The following TCF7L2 variants were observed in gnomAD, a reference collection of about 807,000 sequenced individuals.
TCF7L2 encodes transcription factor 7-like 2.
TCF7L2 carries 23 observed loss-of-function variants against 77.9 expected under a neutral mutation model. The ratio of observed to expected loss-of-function variants is 0.30; its 90% confidence interval spans 0.21 to 0.42. The LOEUF is 0.42. Ranked by LOEUF, TCF7L2 falls within the 10% of genes least tolerant of loss-of-function variation. TCF7L2 has a pLI of 1.00. For synonymous variants in TCF7L2, 413 were observed against 340.2 expected (o/e 1.21, Z -2.36); for missense variants, 654 against 793.1 (o/e 0.82, Z 2.11).
intron 5 of TCF7L2, among the ~76,000 whole-genome samples, chr10:113,138,616 T>G (rs1442994589): frequency 3.9e-5 from 6 of 152,086 alleles, no homozygotes; most frequent in Admixed American, 3.9e-4. Context: ...AAAATAATAT[T>G]AATAATAAAC....
At chr10:112,987,022 A>G (rs374879720) in intron 4 of TCF7L2, among the ~76,000 whole-genome samples, 8 of 152,346 alleles carry the variant, frequency 5.3e-5, no homozygotes, top group African/African-American at 1.9e-4. Context: ...CTTAAGCTGA[A>G]GCATTCGCTG....
intron 4 of TCF7L2, among the ~76,000 whole-genome samples, chr10:112,966,987 G>T (rs2037080779): frequency 6.6e-6 from 1 of 152,130 alleles, no homozygotes; most frequent in South Asian, 2.1e-4. Context: ...TGCTAGACCC[G>T]CACAAGGCCA....
chr10:113,075,996 C>CT (rs1564860065), intron 5 of TCF7L2, among the ~76,000 whole-genome samples: 3 of 151,712 alleles, frequency 2.0e-5, no homozygotes, highest in African/African-American at 7.3e-5. Flanking sequence ...ATTAGCCAGG[C>CT]GTGGTGGCAC....
intron 4 of TCF7L2, among the ~76,000 whole-genome samples, chr10:113,033,453 T>C (rs903682387): frequency 6.6e-6 from 1 of 151,858 alleles, no homozygotes; most frequent in African/African-American, 2.4e-5. Flanking sequence ...AGATGGGGTC[T>C]CCTAGGCTGG....
At chr10:113,130,026 T>C (rs1360353176) in intron 5 of TCF7L2, 1 of 1,208,862 alleles carries the variant, frequency 8.3e-7, no homozygotes, top group Non-Finnish European at 1.1e-6. Context: ...TGGGGGGATG[T>C]GTGTATGTTC....
intron 5 of TCF7L2, among the ~76,000 whole-genome samples, chr10:113,043,703 T>G (rs998622673): frequency 6.6e-6 from 1 of 152,132 alleles, no homozygotes; most frequent in Admixed American, 6.5e-5. Context: ...CCAGTCCTAT[T>G]TTCGCATTCA....
chr10:113,074,089 C>T (rs992588017), intron 5 of TCF7L2, among the ~76,000 whole-genome samples: 1 of 152,160 alleles, frequency 6.6e-6, no homozygotes, highest in Non-Finnish European at 1.5e-5. Context: ...GGCTGACTAA[C>T]ACACCAAAGG....
At chr10:112,957,023 G>T (rs1284131341) in intron 3 of TCF7L2, among the ~76,000 whole-genome samples, 1 of 151,998 alleles carries the variant, frequency 6.6e-6, no homozygotes, top group East Asian at 1.9e-4. Flanking sequence ...CTAGGCTATT[G>T]TTATACACAT....
rs541180115 is a variant in TCF7L2, at chr10:113,041,111, C to T, written c.552+985C>T. On this transcript the variant is annotated intron_variant, in intron 5 of 13. Transcript: ENST00000627217. ...TCTGCCATTTTGGGCTAACTGCCTCCTTATTTTGGAGCTTGCTGTAATTGA... is the reference window on the plus strand; with the variant it reads ...TCTGCCATTTTGGGCTAACTGCCTCTTTATTTTGGAGCTTGCTGTAATTGA... Among the ~76,000 whole-genome samples the T allele has an allele frequency of 1.5e-4, 23 of 152,286 alleles. No individual in the cohort carries two copies. The South Asian group carries it at 4.8e-3, about 32-fold the overall frequency.
At chr10:112,981,321 AT>A (rs1341296743) in intron 4 of TCF7L2, among the ~76,000 whole-genome samples, 30 of 148,168 alleles carry the variant, frequency 2.0e-4, no homozygotes, top group Non-Finnish European at 3.6e-4. Flanking sequence ...AAAAAAAAAA[AT>A]AAAGAAAGAA....
intron 5 of TCF7L2, among the ~76,000 whole-genome samples, chr10:113,041,705 C>A (rs1462636424): frequency 6.6e-6 from 1 of 152,022 alleles, no homozygotes; most frequent in Non-Finnish European, 1.5e-5. Context: ...AAATTCTTAA[C>A]AAATATACAG....
chr10:113,116,540 GA>G (rs1442118645), intron 5 of TCF7L2, among the ~76,000 whole-genome samples: 1 of 152,138 alleles, frequency 6.6e-6, no homozygotes, highest in Non-Finnish European at 1.5e-5. Flanking sequence ...AAATAGAAAT[GA>G]AAGTACAGAT....
At chr10:113,127,459 A>G (rs7906315) in intron 5 of TCF7L2, among the ~76,000 whole-genome samples, 104,975 of 152,150 alleles carry the variant, frequency 0.69, 37,779 homozygotes, top group African/African-American at 0.89. Context: ...CGGACCGTGG[A>G]ATGTAAATGA....
rs2074041550 is a variant in TCF7L2 at position 113,166,396 on chromosome 10, A to G, written c.*424A>G. ...GTATTAAATACGAGCTTGCGAACCA[A>G]TCATTTTACATCTGGTTTTTAAACC... On this transcript the variant is annotated 3_prime_UTR_variant, in exon 14 of 14. Transcript: ENST00000627217. 8.7e-6 allele frequency: 2 copies of G among 230,210 alleles called. No homozygotes were observed. Among genetic ancestry groups the G allele is most frequent in the South Asian group, 3.7e-4 (2 of 5,476 alleles). 14.3% of individuals were successfully genotyped at this position (230,210 alleles called of 1,614,324 possible).
rs372523839 is a variant in TCF7L2, at chr10:113,102,046, G to A, written c.553-39138G>A. Among the ~76,000 whole-genome samples, 8 of 147,194 alleles carry A rather than the reference G, an allele frequency of 5.4e-5. No individual in the cohort carries two copies. The East Asian group carries it at 6.1e-4, about 11-fold the overall frequency. On this transcript the variant is annotated intron_variant, in intron 5 of 13. Transcript: ENST00000627217. The stretch of plus-strand genomic sequence containing the variant: ...CCCAGCTACTCGGGAGGCAGGAGGC[G>A]GAGGTTGCAGTGAGCCAAGATTGCA...
intron 5 of TCF7L2, among the ~76,000 whole-genome samples, chr10:113,100,947 T>C (rs1338255374): frequency 6.6e-6 from 1 of 152,056 alleles, no homozygotes; most frequent in Non-Finnish European, 1.5e-5. Flanking sequence ...TGGTGGCGTT[T>C]GCCTGTAATC....
intron 5 of TCF7L2, among the ~76,000 whole-genome samples, chr10:113,124,235 C>T (rs1404505885): frequency 6.6e-6 from 1 of 152,134 alleles, no homozygotes; most frequent in Non-Finnish European, 1.5e-5. Flanking sequence ...TCTGTATATA[C>T]AGCACAGGCT....
intron 6 of TCF7L2, 138 bp from the exon 7 acceptor site, chr10:113,143,785 T>G: frequency 1.6e-6 from 1 of 631,440 alleles, no homozygotes; most frequent in African/African-American, 1.8e-5. Flanking sequence ...CAACTCAGGA[T>G]TTATAATCAT....
chr10:113,002,597 C>T (rs1270629936), intron 4 of TCF7L2, among the ~76,000 whole-genome samples: 1 of 152,038 alleles, frequency 6.6e-6, no homozygotes, highest in Admixed American at 6.6e-5. Context: ...ACTTGCTGCC[C>T]CCATGATCGC....
Sources: gnomAD v4.1 joint callset for allele counts (sites outside exome capture counted in the v4.1 genomes callset) on GRCh38, gnomAD v4.1.1 for gene constraint, MANE v1.5 for transcripts, NCBI Gene and HGNC (gene_info 2026-07-23, HGNC 2026-07-21) for gene names.